The following PDSS2 variants were observed in gnomAD, a reference collection of about 807,000 sequenced individuals.
PDSS2 encodes the protein all trans-polyprenyl-diphosphate synthase PDSS2.
In PDSS2, 31 loss-of-function variants were observed where a neutral mutation model predicts 44.5. The observed-to-expected ratio is 0.70, with a 90% CI of 0.52 to 0.94. The LOEUF is 0.94. PDSS2 is among the 40% of genes least tolerant of loss of function. The pLI is 0.00. For missense variants in PDSS2, 452 were observed against 482.2 expected (o/e 0.94, Z 0.59); for synonymous variants, 157 against 180.3 (o/e 0.87, Z 1.03).
intron 7 of PDSS2, among the ~76,000 whole-genome samples, chr6:107,181,715 C>G (rs1771990312): frequency 6.6e-6 from 1 of 151,514 alleles, no homozygotes; most frequent in South Asian, 2.1e-4. Flanking sequence ...CATGGTGAAA[C>G]CCCATCTCTA....
At chr6:107,281,753 T>C (rs982333967) in intron 2 of PDSS2, among the ~76,000 whole-genome samples, 1 of 152,160 alleles carries the variant, frequency 6.6e-6, no homozygotes, top group African/African-American at 2.4e-5. Context: ...TATGGCTCAG[T>C]CTTGTATTGA....
At chr6:107,317,490 G>A (rs1317682413) in intron 2 of PDSS2, among the ~76,000 whole-genome samples, 4 of 152,122 alleles carry the variant, frequency 2.6e-5, no homozygotes, top group Non-Finnish European at 5.9e-5. Flanking sequence ...TATGTGATGA[G>A]CCTATTTTAT....
At chr6:107,269,781 C>T (rs749457002) in intron 3 of PDSS2, among the ~76,000 whole-genome samples, 5 of 152,066 alleles carry the variant, frequency 3.3e-5, no homozygotes, top group Non-Finnish European at 7.4e-5. Context: ...ATTCTTGTGC[C>T]TCAGACTCCT....
chr6:107,427,133 A>G (rs1235229924), intron 1 of PDSS2, among the ~76,000 whole-genome samples: 2 of 152,144 alleles, frequency 1.3e-5, no homozygotes, highest in Non-Finnish European at 1.5e-5. Flanking sequence ...GAGGAACCCA[A>G]TGAGAGGTGA....
chr6:107,388,735 G>C (rs149990048), intron 1 of PDSS2, among the ~76,000 whole-genome samples: 2,512 of 152,324 alleles, frequency 0.016, 28 homozygotes, highest in Non-Finnish European at 0.026. Flanking sequence ...TGGGATTACA[G>C]GCGTGAGCCA....
At chr6:107,195,274 A>C (rs946709952) in intron 6 of PDSS2, among the ~76,000 whole-genome samples, 2 of 152,030 alleles carry the variant, frequency 1.3e-5, no homozygotes, top group African/African-American at 4.8e-5. Context: ...TGAGCCCGTG[A>C]GTTCAAGACC....
At chr6:107,195,490 A>AT in intron 6 of PDSS2, among the ~76,000 whole-genome samples, 1 of 151,582 alleles carries the variant, frequency 6.6e-6, no homozygotes, top group South Asian at 2.1e-4. Context: ...TCAAAAAAAA[A>AT]AAAAAAAAAA....
intron 3 of PDSS2, among the ~76,000 whole-genome samples, chr6:107,263,989 T>C (rs74610776): frequency 0.053 from 7,996 of 152,256 alleles, 301 homozygotes; most frequent in Middle Eastern, 0.082. Flanking sequence ...ATATTAACCT[T>C]GGGTGTCAAA....
At chr6:107,181,642 C>A (rs1771987141) in intron 7 of PDSS2, among the ~76,000 whole-genome samples, 1 of 151,088 alleles carries the variant, frequency 6.6e-6, no homozygotes, top group Admixed American at 6.6e-5. Flanking sequence ...GTAATCCCAG[C>A]ACTTTGGGAG....
chr6:107,400,355 G>T (rs368430662), intron 1 of PDSS2, among the ~76,000 whole-genome samples: 6 of 152,132 alleles, frequency 3.9e-5, no homozygotes, highest in African/African-American at 1.4e-4. Context: ...AGTCTCAAGC[G>T]GGGAGGACAC....
chr6:107,266,339 C>G (rs996320805), intron 3 of PDSS2, among the ~76,000 whole-genome samples: 6 of 151,478 alleles, frequency 4.0e-5, no homozygotes, highest in Non-Finnish European at 7.4e-5. Flanking sequence ...ATTACAGACC[C>G]TGGGCATGGT....
Position 107,210,528 on chromosome 6 carries a change from C to T in PDSS2, c.919G>A (p.Asp307Asn), listed in dbSNP as rs1213284729. 5.0e-6 allele frequency: 8 copies of T among 1,602,680 alleles called. No individual in the cohort carries two copies. The African/African-American group carries it at 1.1e-4, about 21-fold the overall frequency. Residue 307 changes from aspartate (D) to asparagine (N), a missense_variant, in exon 6 of 8, where the codon GAC becomes AAC. Transcript: ENST00000369037. ...GAGTTTAGATTAAAAGTCATGGAGTCACTGGTCTTTTCTTTAATAAAAGGC... is the reference window on the plus strand; with the variant it reads ...GAGTTTAGATTAAAAGTCATGGAGTTACTGGTCTTTTCTTTAATAAAAGGC... ...VQPFIKEKTS[D>N]SMTFNLNSAP... is the part of the protein sequence containing the mutation.
intron 1 of PDSS2, among the ~76,000 whole-genome samples, chr6:107,382,021 G>T (rs1423526966): frequency 6.6e-6 from 1 of 152,266 alleles, no homozygotes; most frequent in Middle Eastern, 3.4e-3. Context: ...AAGTAATGGG[G>T]AGCCTCTGAA....
At chr6:107,317,147 C>G (rs903120458) in intron 2 of PDSS2, among the ~76,000 whole-genome samples, 1 of 152,164 alleles carries the variant, frequency 6.6e-6, no homozygotes, top group South Asian at 2.1e-4. Flanking sequence ...CTCTCCTCCA[C>G]GGCACCTCGC....
At chr6:107,169,969 A>G (rs972898492) in intron 7 of PDSS2, among the ~76,000 whole-genome samples, 3 of 152,118 alleles carry the variant, frequency 2.0e-5, no homozygotes, top group South Asian at 4.2e-4. Context: ...CAGATCTCCA[A>G]CTCTGTGCTG....
intron 5 of PDSS2, 46 bp from the exon 6 acceptor site, chr6:107,210,616 C>T: frequency 1.6e-6 from 2 of 1,279,856 alleles, no homozygotes; most frequent in Non-Finnish European, 2.3e-6. Context: ...TGTATATACA[C>T]TAGTATGTTT....
chr6:107,168,776 C>A (rs1771447481), intron 7 of PDSS2, among the ~76,000 whole-genome samples: 1 of 151,972 alleles, frequency 6.6e-6, no homozygotes, highest in Non-Finnish European at 1.5e-5. Context: ...GTTGAAAATT[C>A]TTTTCTTTAA....
chr6:107,451,481 T>A (rs1364771890), intron 1 of PDSS2, among the ~76,000 whole-genome samples: 1 of 152,122 alleles, frequency 6.6e-6, no homozygotes, highest in African/African-American at 2.4e-5. Context: ...AAACCCCTTG[T>A]GGCTTTGATG....
At chr6:107,196,180 G>A (rs149454813) in intron 6 of PDSS2, among the ~76,000 whole-genome samples, 83 of 152,208 alleles carry the variant, frequency 5.5e-4, no homozygotes, top group Admixed American at 3.3e-3. Flanking sequence ...ATATTTATTC[G>A]TTTGTCTGTT....
Sources: allele counts gnomAD v4.1 joint callset (sites outside exome capture counted in the v4.1 genomes callset), GRCh38; gene constraint gnomAD v4.1.1; transcripts MANE v1.5; gene names NCBI Gene and HGNC (gene_info 2026-07-23, HGNC 2026-07-21).